Variants in SNX31 observed in about 807,000 individuals in gnomAD.
SNX31 encodes sorting nexin 31, also known as sorting nexin-31.
SNX31 carries 58 observed loss-of-function variants against 65.4 expected under a neutral mutation model. The ratio of observed to expected loss-of-function variants is 0.89; its 90% CI spans 0.72 to 1.10. SNX31 has a LOEUF of 1.10. SNX31 is among the 50% of genes least tolerant of loss of function. SNX31 has a pLI of 0.00. For synonymous variants in SNX31, 181 were observed against 190.1 expected (o/e 0.95, Z 0.39); for missense variants, 523 against 529.7 (o/e 0.99, Z 0.12).
chr8:100,598,566 T>C (rs1270889951), intron 9 of SNX31, among the ~76,000 whole-genome samples: 2 of 150,314 alleles, frequency 1.3e-5, no homozygotes, highest in African/African-American at 5.0e-5. Context: ...AAATGCCTGT[T>C]GGCATTTGAC....
In SNX31 at chr8:100,626,397, T is replaced by A. The variant is rs1309036352; in HGVS notation, c.321+3930A>T. ...CTACTTAGCCTGAACTCTTAACCCC[T>A]AGACCAGGTCGGGGGCTGCTGATCT... is the stretch of plus-strand genomic sequence containing the variant. On this transcript the variant is annotated intron_variant, in intron 4 of 13. Coordinates refer to ENST00000311812, the MANE Select transcript of SNX31 (RefSeq NM_152628.4). The surrounding 1 kb of genome is among the most constrained non-coding windows in gnomAD (Gnocchi z 4.4). Among the ~76,000 whole-genome samples, 1 of 152,182 alleles carries A rather than the reference T, an allele frequency of 6.6e-6. No individual in the cohort carries two copies. The highest frequency in any genetic ancestry group is 2.4e-5 in the African/African-American group (1 of 41,448).
intron 1 of SNX31, among the ~76,000 whole-genome samples, chr8:100,661,800 G>A (rs756498508): frequency 1.3e-5 from 2 of 152,032 alleles, no homozygotes; most frequent in Non-Finnish European, 2.9e-5. Flanking sequence ...AAAGTGCTGG[G>A]ATTACAGGTG....
chr8:100,601,656 T>C (rs1437929115), intron 8 of SNX31, among the ~76,000 whole-genome samples: 4 of 152,222 alleles, frequency 2.6e-5, no homozygotes, highest in Non-Finnish European at 5.9e-5. Flanking sequence ...GAATATATTG[T>C]TGGGTCCTGT....
intron 2 of SNX31, among the ~76,000 whole-genome samples, chr8:100,643,979 T>C (rs530546181): frequency 7.2e-5 from 11 of 152,120 alleles, no homozygotes; most frequent in African/African-American, 2.7e-4. Flanking sequence ...GAGATGGGAC[T>C]GAGGTGGGCT....
At chr8:100,639,981 T>C (rs930822676) in intron 2 of SNX31, among the ~76,000 whole-genome samples, 3 of 152,160 alleles carry the variant, frequency 2.0e-5, no homozygotes, top group Admixed American at 1.3e-4. Flanking sequence ...TGGGCCAAGA[T>C]GGAACAATTT....
At chr8:100,589,081 G>T in intron 10 of SNX31, 102 bp from the exon 11 acceptor site, 2 of 795,852 alleles carry the variant, frequency 2.5e-6, no homozygotes, top group Non-Finnish European at 2.0e-6. Context: ...CGGGCAGATC[G>T]CCTGAGGTCA....
At chr8:100,587,376 T>C (rs1814139045) in intron 11 of SNX31, among the ~76,000 whole-genome samples, 1 of 152,318 alleles carries the variant, frequency 6.6e-6, no homozygotes, top group Admixed American at 6.5e-5. Context: ...ACACCTGATC[T>C]CCTGTGACTA....
At chr8:100,579,436 T>C (rs1402647600) in intron 12 of SNX31, among the ~76,000 whole-genome samples, 1 of 152,224 alleles carries the variant, frequency 6.6e-6, no homozygotes, top group Admixed American at 6.5e-5. Context: ...TAATCACTTA[T>C]TCCTGCACAG....
At chr8:100,599,608 T>C (rs1469645817) in intron 9 of SNX31, among the ~76,000 whole-genome samples, 2 of 152,192 alleles carry the variant, frequency 1.3e-5, no homozygotes, top group African/African-American at 4.8e-5. Context: ...TTCTGTTACG[T>C]ATAAATGAGT....
chr8:100,653,123 A>C (rs1297219902), upstream of SNX31, among the ~76,000 whole-genome samples: 1 of 152,172 alleles, frequency 6.6e-6, no homozygotes, highest in Non-Finnish European at 1.5e-5. Context: ...GGTTCAGACG[A>C]GTGAGTCAGA....
intron 7 of SNX31, 75 bp downstream of exon 7, chr8:100,611,925 C>A: frequency 8.7e-7 from 1 of 1,145,902 alleles, no homozygotes; most frequent in Non-Finnish European, 1.3e-6. Context: ...CAGGATGTGA[C>A]GGGACTCTGG....
upstream of SNX31, among the ~76,000 whole-genome samples, chr8:100,651,000 A>G (rs1056617621): frequency 6.6e-6 from 1 of 151,868 alleles, no homozygotes; most frequent in Non-Finnish European, 1.5e-5. Flanking sequence ...TTACAGGCAT[A>G]CGCCACCACA....
intron 5 of SNX31, among the ~76,000 whole-genome samples, 193 bp downstream of exon 5, chr8:100,617,427 C>T (rs1225505836): frequency 6.6e-6 from 1 of 152,146 alleles, no homozygotes; most frequent in African/African-American, 2.4e-5. Context: ...ATCAAAGAGG[C>T]CCTGGAGGAT....
intron 1 of SNX31, among the ~76,000 whole-genome samples, chr8:100,661,131 G>T (rs146890241): frequency 0.01 from 1,534 of 151,386 alleles, 27 homozygotes; most frequent in African/African-American, 0.035. Context: ...TCAGCCTCCC[G>T]AGTAGCTGGA....
intron 8 of SNX31, among the ~76,000 whole-genome samples, chr8:100,601,661 T>A (rs942865323): frequency 6.6e-6 from 1 of 152,206 alleles, no homozygotes. Flanking sequence ...TATTGTTGGG[T>A]CCTGTCTGGT....
chr8:100,573,576 C>T lies in SNX31; in HGVS notation c.*289G>A, dbSNP rs1250456014. On this transcript the variant is annotated 3_prime_UTR_variant, in exon 14 of 14. Coordinates refer to ENST00000311812, the MANE Select transcript of SNX31 (RefSeq NM_152628.4). ...TTTTATATGAGTTGATTTGAATTTG[C>T]CACTTGTCATTTATGAGACATTAAA... 1 of 229,398 alleles carries T rather than the reference C, an allele frequency of 4.4e-6. No homozygotes were observed. Among genetic ancestry groups the T allele is most frequent in the Non-Finnish European group, 8.4e-6 (1 of 119,640 alleles). 14.2% of individuals were successfully genotyped at this position (229,398 alleles called of 1,614,324 possible). A position where few individuals can be genotyped will look rare whatever the true frequency, so the allele number is the denominator to read the frequency against.
chr8:100,598,681 A>G (rs1225414600), intron 9 of SNX31, among the ~76,000 whole-genome samples: 1 of 152,246 alleles, frequency 6.6e-6, no homozygotes, highest in Admixed American at 6.5e-5. Context: ...TACCTAAAAA[A>G]GACAATTTAA....
At chr8:100,592,358 G>A (rs754084041) in intron 10 of SNX31, among the ~76,000 whole-genome samples, 3 of 152,028 alleles carry the variant, frequency 2.0e-5, no homozygotes, top group Non-Finnish European at 2.9e-5. Context: ...TAAAGCTATA[G>A]CAATAGAAAC....
intron 10 of SNX31, among the ~76,000 whole-genome samples, chr8:100,595,093 A>G (rs1814946564): frequency 6.6e-6 from 1 of 152,250 alleles, no homozygotes; most frequent in Admixed American, 6.5e-5. Flanking sequence ...TGGAAGGCAC[A>G]TTCTTTTAAG....
Sources: gnomAD v4.1 joint callset for allele counts (sites outside exome capture counted in the v4.1 genomes callset) on GRCh38, gnomAD v4.1.1 for gene constraint, Gnocchi (gnomAD v3.1) non-coding constraint, MANE v1.5 for transcripts, NCBI Gene and HGNC (gene_info 2026-07-23, HGNC 2026-07-21) for gene names.